The following CYCS variants were observed in gnomAD, a reference collection of about 807,000 sequenced individuals.
CYCS encodes the protein cytochrome c.
For missense variants in CYCS, 87 were observed against 125.3 expected (o/e 0.69, Z 1.46); for synonymous variants, 41 against 43.0 (o/e 0.95, Z 0.18).
rs529225325 is a variant in CYCS, at chr7:25,123,486, C to T, written c.*215G>A. On this transcript the variant is annotated 3_prime_UTR_variant, in exon 3 of 3. Coordinates refer to ENST00000305786, the MANE Select transcript of CYCS (RefSeq NM_018947.6). ...CTTTAAAAGGGGTAAACAGTGATAC[C>T]ATTTACTGAATTGGAGTTACTATTA... 1,243 of 562,008 alleles carry T rather than the reference C, an allele frequency of 2.2e-3. 3 individuals carry two copies. Among genetic ancestry groups the T allele is most frequent in the Non-Finnish European group, 3.5e-3 (1,112 of 314,580 alleles). The allele number at this position is 562,008 out of a possible 1,614,324, so 34.8% of individuals were successfully genotyped here. A position where few individuals can be genotyped will look rare whatever the true frequency, so the allele number is the denominator to read the frequency against.
chr7:25,121,050 G>C lies in CYCS; in HGVS notation c.*2651C>G, dbSNP rs1353551577. On this transcript the variant is annotated 3_prime_UTR_variant, in exon 3 of 3. Transcript: ENST00000305786. The stretch of plus-strand genomic sequence containing the variant: ...GAGTCAGGAGAATCGCTTGAACCTG[G>C]AAGGCGGAGGTTGCGGTGAGCAGCG... The C allele has an allele frequency of 6.6e-6, 1 of 152,274 alleles. No individual in the cohort carries two copies. Among genetic ancestry groups the C allele is most frequent in the African/African-American group, 2.4e-5 (1 of 41,460 alleles). The allele number at this position is 152,274 out of a possible 1,614,324, so 9.4% of individuals were successfully genotyped here. A position where few individuals can be genotyped will look rare whatever the true frequency, so the allele number is the denominator to read the frequency against.
Position 25,119,261 on chromosome 7 carries a change from AT to A in CYCS, c.*4439del, listed in dbSNP as rs1783321397. 6.6e-6 allele frequency among the ~76,000 whole-genome samples: 1 copy of A among 152,146 alleles called. No homozygotes were observed. The highest frequency in any genetic ancestry group is 1.5e-5 in the Non-Finnish European group (1 of 68,024). ...TTGCCAAAAGAGCTCATGAATGAAT[AT>A]TTTCCATTCTAAGGAAACTTTTTTT... On this transcript the variant is annotated 3_prime_UTR_variant, in exon 3 of 3. Transcript: ENST00000305786.
In CYCS at chr7:25,119,805, C is replaced by A. The variant is rs1283066857; in HGVS notation, c.*3896G>T. 6.6e-6 allele frequency among the ~76,000 whole-genome samples: 1 copy of A among 152,272 alleles called. No homozygotes were observed. Among genetic ancestry groups the A allele is most frequent in the African/African-American group, 2.4e-5 (1 of 41,538 alleles). ...ATCTGAGACTAGTCAGTCAACTGTCCTTGGTAAGATCTCCTTCTTGACAGC... is the reference window on the plus strand; with the variant it reads ...ATCTGAGACTAGTCAGTCAACTGTCATTGGTAAGATCTCCTTCTTGACAGC... On this transcript the variant is annotated 3_prime_UTR_variant, in exon 3 of 3. Coordinates refer to ENST00000305786, the MANE Select transcript of CYCS (RefSeq NM_018947.6).
In CYCS at chr7:25,122,831, A is replaced by C. The variant is rs1386561799; in HGVS notation, c.*870T>G. On this transcript the variant is annotated 3_prime_UTR_variant, in exon 3 of 3. Coordinates refer to ENST00000305786, the MANE Select transcript of CYCS (RefSeq NM_018947.6). ...AATCAAGCACAGTCAAAAAGTCATG[A>C]TCTGTGGTTTTCTTTTTAATTATCT... The C allele has an allele frequency of 1.3e-5, 2 of 152,232 alleles. No individual in the cohort carries two copies. Among genetic ancestry groups the C allele is most frequent in the Non-Finnish European group, 2.9e-5 (2 of 68,034 alleles). 9.4% of individuals were successfully genotyped at this position (152,232 alleles called of 1,614,324 possible).
In CYCS at chr7:25,122,559, T is replaced by A. The variant is rs1232416648; in HGVS notation, c.*1142A>T. The A allele has an allele frequency of 2.6e-5, 4 of 152,262 alleles. No homozygotes were observed. Among genetic ancestry groups the A allele is most frequent in the Non-Finnish European group, 5.9e-5 (4 of 68,058 alleles). 9.4% of individuals were successfully genotyped at this position (152,262 alleles called of 1,614,324 possible). A position where few individuals can be genotyped will look rare whatever the true frequency, so the allele number is the denominator to read the frequency against. ...GTATGTAATTATACACTGTTACACA[T>A]CACAAAACTATGACCACAGGCATTC... is the stretch of plus-strand genomic sequence containing the variant. On this transcript the variant is annotated 3_prime_UTR_variant, in exon 3 of 3. Transcript: ENST00000305786.
rs1783354723 is a variant in CYCS at position 25,121,043 on chromosome 7, G to C, written c.*2658C>G. Reference sequence around the variant, plus strand: ...AGAGGCTGAGTCAGGAGAATCGCTTGAACCTGGAAGGCGGAGGTTGCGGTG... The same window carrying C: ...AGAGGCTGAGTCAGGAGAATCGCTTCAACCTGGAAGGCGGAGGTTGCGGTG... On this transcript the variant is annotated 3_prime_UTR_variant, in exon 3 of 3. Coordinates refer to ENST00000305786, the MANE Select transcript of CYCS (RefSeq NM_018947.6). 6.6e-6 allele frequency: 1 copy of C among 152,276 alleles called. No individual in the cohort carries two copies. The highest frequency in any genetic ancestry group is 1.5e-5 in the Non-Finnish European group (1 of 68,080). The allele number at this position is 152,276 out of a possible 1,614,324, so 9.4% of individuals were successfully genotyped here.
chr7:25,122,383 C>T lies in CYCS; in HGVS notation c.*1318G>A, dbSNP rs1783377373. On this transcript the variant is annotated 3_prime_UTR_variant, in exon 3 of 3. Transcript: ENST00000305786. ...TGGATTCACATCTTCTCAGTCTTCT[C>T]ACTGTCCCACAAAGATACAGTTCTC... is the stretch of plus-strand genomic sequence containing the variant. 1 of 152,240 alleles carries T rather than the reference C, an allele frequency of 6.6e-6. No homozygotes were observed. The highest frequency in any genetic ancestry group is 1.5e-5 in the Non-Finnish European group (1 of 68,054). The allele number at this position is 152,240 out of a possible 1,614,324, so 9.4% of individuals were successfully genotyped here.
At chr7:25,124,316 G>C (rs1253774670) in intron 1 of CYCS, among the ~76,000 whole-genome samples, 189 bp from the exon 2 acceptor site, 1 of 152,006 alleles carries the variant, frequency 6.6e-6, no homozygotes, top group Non-Finnish European at 1.5e-5. Context: ...ATTTTTAGGA[G>C]TACCTCCTCA....
rs1783386840 is a variant in CYCS, at chr7:25,123,019, TAGATTGTAA to T, written c.*673_*681del. 6.6e-6 allele frequency: 1 copy of T among 152,594 alleles called. No homozygotes were observed. The allele number at this position is 152,594 out of a possible 1,614,324, so 9.5% of individuals were successfully genotyped here. On this transcript the variant is annotated 3_prime_UTR_variant, in exon 3 of 3. Transcript: ENST00000305786. ...TCCTAAATTATAACTTAGTTTGACT[TAGATTGTAA>T]AGAATTCAAGAGTGAAGTTTAACTT...
chr7:25,119,866 C>T lies in CYCS; in HGVS notation c.*3835G>A, dbSNP rs1052366583. Among the ~76,000 whole-genome samples, 6 of 152,168 alleles carry T rather than the reference C, an allele frequency of 3.9e-5. No homozygotes were observed. The highest frequency in any genetic ancestry group is 7.3e-5 in the Non-Finnish European group (5 of 68,038). On this transcript the variant is annotated 3_prime_UTR_variant, in exon 3 of 3. Transcript: ENST00000305786. Reference sequence around the variant, plus strand: ...CTATCACACCCTTTATAATTTACAGCAATCTTCAGTGGTTAAAGCAAAACT... The same window carrying T: ...CTATCACACCCTTTATAATTTACAGTAATCTTCAGTGGTTAAAGCAAAACT...
rs1305187188 is a variant in CYCS at position 25,122,505 on chromosome 7, A to T, written c.*1196T>A. 5 of 152,374 alleles carry T rather than the reference A, an allele frequency of 3.3e-5. No homozygotes were observed. The highest frequency in any genetic ancestry group is 7.2e-5 in the African/African-American group (3 of 41,582). 9.4% of individuals were successfully genotyped at this position (152,374 alleles called of 1,614,324 possible). A position where few individuals can be genotyped will look rare whatever the true frequency, so the allele number is the denominator to read the frequency against. ...TCTCCAAGGACTACTCTAAATGTGT[A>T]TGGCACAGACTATGCATGAAATAAT... On this transcript the variant is annotated 3_prime_UTR_variant, in exon 3 of 3. Coordinates refer to ENST00000305786, the MANE Select transcript of CYCS (RefSeq NM_018947.6).
rs879165113 is a variant in CYCS at position 25,123,469 on chromosome 7, G to A, written c.*232C>T. On this transcript the variant is annotated 3_prime_UTR_variant, in exon 3 of 3. Transcript: ENST00000305786. Reference sequence around the variant, plus strand: ...ACGAAGTCTAATCATATCTTTAAAAGGGGTAAACAGTGATACCATTTACTG... The same window carrying A: ...ACGAAGTCTAATCATATCTTTAAAAAGGGTAAACAGTGATACCATTTACTG... 3 of 516,064 alleles carry A rather than the reference G, an allele frequency of 5.8e-6. No homozygotes were observed. The highest frequency in any genetic ancestry group is 6.5e-5 in the Admixed American group (2 of 30,948). The allele number at this position is 516,064 out of a possible 1,614,324, so 32.0% of individuals were successfully genotyped here.
chr7:25,123,394 T>C lies in CYCS; in HGVS notation c.*307A>G. 1 of 356,170 alleles carries C rather than the reference T, an allele frequency of 2.8e-6. No homozygotes were observed. The highest frequency in any genetic ancestry group is 2.6e-5 in the South Asian group (1 of 38,778). 22.1% of individuals were successfully genotyped at this position (356,170 alleles called of 1,614,324 possible). On this transcript the variant is annotated 3_prime_UTR_variant, in exon 3 of 3. Transcript: ENST00000305786. Reference sequence around the variant, plus strand: ...ATCTAAATATAAAACCAATCTCCAGTAAGTTTTAAGATGGCACTCACCATC... The same window carrying C: ...ATCTAAATATAAAACCAATCTCCAGCAAGTTTTAAGATGGCACTCACCATC...
In CYCS at chr7:25,123,747, T is replaced by C; in HGVS notation, c.272A>G (p.Glu91Gly). The C allele has an allele frequency of 1.9e-6, 3 of 1,607,696 alleles. No homozygotes were observed. Among genetic ancestry groups the C allele is most frequent in the Non-Finnish European group, 2.5e-6 (3 of 1,179,996 alleles). ...MIFVGIKKKE[E>G]RADLIAYLKK... ...GAGATAAGCTATTAAGTCTGCCCTT[T>C]CTTCCTTCTTCTTAATGCCGACAAA... Residue 91 changes from glutamate to glycine, a missense_variant, in exon 3 of 3, where the codon GAA becomes GGA. Transcript: ENST00000305786.
rs1783329625 is a variant in CYCS, at chr7:25,119,724, AC to A, written c.*3976del. Among the ~76,000 whole-genome samples the A allele has an allele frequency of 6.6e-6, 1 of 152,196 alleles. No homozygotes were observed. The highest frequency in any genetic ancestry group is 1.9e-4 in the East Asian group (1 of 5,198). ...AGAGTGGCTGGGACTACAGGTGTGC[AC>A]CACGACGCCCAGTTATCTAGTTTAC... On this transcript the variant is annotated 3_prime_UTR_variant, in exon 3 of 3. Coordinates refer to ENST00000305786, the MANE Select transcript of CYCS (RefSeq NM_018947.6).
rs1185426958 is a variant in CYCS, at chr7:25,124,034, G to T, written c.86C>A (p.Thr29Asn). The T allele has an allele frequency of 1.4e-5, 22 of 1,614,106 alleles. No homozygotes were observed. The South Asian group carries it at 2.4e-4, about 18-fold the overall frequency. ...HTVEKGGKHK[T>N]GPNLHGLFGR... is the part of the protein sequence containing the mutation. ...AAAGAGACCATGGAGATTTGGCCCA[G>T]TCTTGTGCTTGCCTCCCTTTTCAAC... Residue 29 changes from threonine to asparagine, a missense_variant, in exon 2 of 3, where the codon ACT becomes AAT. Coordinates refer to ENST00000305786, the MANE Select transcript of CYCS (RefSeq NM_018947.6).
rs936844472 is a variant in CYCS at position 25,121,167 on chromosome 7, C to A, written c.*2534G>T. 44 of 152,240 alleles carry A rather than the reference C, an allele frequency of 2.9e-4. No individual in the cohort carries two copies. The highest frequency in any genetic ancestry group is 1.0e-3 in the African/African-American group (42 of 41,514). The allele number at this position is 152,240 out of a possible 1,614,324, so 9.4% of individuals were successfully genotyped here. On this transcript the variant is annotated 3_prime_UTR_variant, in exon 3 of 3. Coordinates refer to ENST00000305786, the MANE Select transcript of CYCS (RefSeq NM_018947.6). Reference sequence around the variant, plus strand: ...AGTTACAGAATCACATTTTAAACCACCAGAAGTGCTTGGGTATAACTGACC... The same window carrying A: ...AGTTACAGAATCACATTTTAAACCAACAGAAGTGCTTGGGTATAACTGACC...
rs1783314581 is a variant in CYCS, at chr7:25,118,839, CAT to C, written c.*4860_*4861del. Among the ~76,000 whole-genome samples, 1 of 152,076 alleles carries C rather than the reference CAT, an allele frequency of 6.6e-6. No homozygotes were observed. Among genetic ancestry groups the C allele is most frequent in the African/African-American group, 2.4e-5 (1 of 41,394 alleles). ...TAACATTTTAACATGTTTAAATGTTCATAGACACATACAACCTGCACTTTTAC... is the reference window on the plus strand; with the variant it reads ...TAACATTTTAACATGTTTAAATGTTCAGACACATACAACCTGCACTTTTAC... On this transcript the variant is annotated 3_prime_UTR_variant, in exon 3 of 3. Coordinates refer to ENST00000305786, the MANE Select transcript of CYCS (RefSeq NM_018947.6).
At position 25,121,450 on chromosome 7, in the gene CYCS, G is replaced by A. The variant is rs1783361561; in HGVS notation, c.*2251C>T. 6.6e-6 allele frequency: 1 copy of A among 152,266 alleles called. No homozygotes were observed. Among genetic ancestry groups the A allele is most frequent in the Admixed American group, 6.5e-5 (1 of 15,280 alleles). The allele number at this position is 152,266 out of a possible 1,614,324, so 9.4% of individuals were successfully genotyped here. On this transcript the variant is annotated 3_prime_UTR_variant, in exon 3 of 3. Transcript: ENST00000305786. ...CCCAGCTACTCAGGAGGCTGAGGCA[G>A]GAGAATCACTTGCAACTGGAAGGCG...
Sources: allele counts gnomAD v4.1 joint callset (sites outside exome capture counted in the v4.1 genomes callset), GRCh38; gene constraint gnomAD v4.1.1; transcripts MANE v1.5; gene names NCBI Gene and HGNC (gene_info 2026-07-23, HGNC 2026-07-21).